The following FKBP9 variants were observed in gnomAD, a reference collection of about 807,000 sequenced individuals.
FKBP9 encodes the protein FKBP prolyl isomerase 9, also known as peptidyl-prolyl cis-trans isomerase FKBP9.
FKBP9 carries 27 observed loss-of-function variants against 55.6 expected under a neutral mutation model. The observed-to-expected ratio is 0.49, with a 90% CI of 0.36 to 0.67. FKBP9 has a LOEUF of 0.67. Among genes scored for constraint, FKBP9 ranks in the 30% least tolerant of loss-of-function variants. The pLI, the probability that FKBP9 is intolerant of heterozygous loss-of-function variation, is 0.00. For synonymous variants in FKBP9, 267 were observed against 296.5 expected, an observed-to-expected ratio of 0.90 and a Z score of 1.02; for missense variants, 539 against 742.8, an observed-to-expected ratio of 0.73 and a Z score of 3.19.
intron 6 of FKBP9, chr7:32,994,896 ATC>A (rs2127987741): frequency 5.7e-6 from 1 of 176,824 alleles, no homozygotes; most frequent in South Asian, 2.0e-4. Context: ...GAGTTTGTGT[ATC>A]TCTATCTGAA....
chr7:32,962,408 C>T (rs1218878251), intron 1 of FKBP9, among the ~76,000 whole-genome samples: 2 of 152,082 alleles, frequency 1.3e-5, no homozygotes, highest in Non-Finnish European at 2.9e-5. Context: ...AACTAACTAA[C>T]TAAATAAAAG....
chr7:32,964,670 C>G (rs1268013237), intron 1 of FKBP9, among the ~76,000 whole-genome samples: 1 of 152,232 alleles, frequency 6.6e-6, no homozygotes, highest in Non-Finnish European at 1.5e-5. Context: ...TTTGCCAGTT[C>G]ATTAACTGCT....
At chr7:32,959,826 T>G (rs1783985679) in intron 1 of FKBP9, among the ~76,000 whole-genome samples, 1 of 152,246 alleles carries the variant, frequency 6.6e-6, no homozygotes, top group South Asian at 2.1e-4. Flanking sequence ...TATTCCATTG[T>G]GTCCATTCAT....
intron 9 of FKBP9, among the ~76,000 whole-genome samples, chr7:33,004,505 A>T (rs1165117634): frequency 1.3e-5 from 2 of 152,106 alleles, no homozygotes; most frequent in Admixed American, 6.5e-5. Context: ...TCTACCCCAG[A>T]TAACTTGTTC....
chr7:32,966,993 C>A (rs573441527), intron 1 of FKBP9, among the ~76,000 whole-genome samples: 1 of 152,052 alleles, frequency 6.6e-6, no homozygotes, highest in Non-Finnish European at 1.5e-5. Flanking sequence ...ATGTTCAAAG[C>A]GAGGGAAGAG....
intron 5 of FKBP9, among the ~76,000 whole-genome samples, chr7:32,984,248 T>A (rs1292596966): frequency 6.7e-6 from 1 of 149,716 alleles, no homozygotes; most frequent in East Asian, 1.9e-4. Context: ...GTTCTTTTTT[T>A]TTTGAGACAG....
rs1168923622 is a variant in FKBP9, at chr7:32,979,934, G to C, written c.704-430G>C. ...TTTGCCTCTAAAAAATTGGCCGTTC[G>C]TTTCAAAGAACAAGTCTGTGTACAG... is the stretch of plus-strand genomic sequence containing the variant. On this transcript the variant is annotated intron_variant, in intron 4 of 9. Transcript: ENST00000242209. Among the ~76,000 whole-genome samples, 6 of 151,454 alleles carry C rather than the reference G, an allele frequency of 4.0e-5. No individual in the cohort carries two copies. The East Asian group carries it at 1.2e-3, about 29-fold the overall frequency.
rs1193066919 is a variant in FKBP9 at position 32,957,448 on chromosome 7, G to T, written c.-126G>T. 1.7e-5 allele frequency: 11 copies of T among 657,338 alleles called. No homozygotes were observed. The highest frequency in any genetic ancestry group is 2.4e-5 in the Non-Finnish European group (11 of 455,610). 40.7% of individuals were successfully genotyped at this position (657,338 alleles called of 1,614,324 possible). On this transcript the variant is annotated 5_prime_UTR_variant, in exon 1 of 10. Coordinates refer to ENST00000242209, the MANE Select transcript of FKBP9 (RefSeq NM_007270.5). ...GAGGGCGGGCGGCCGGGGAGACGGG[G>T]TGGCGGCTGCAGCCCGGGTAGGGCC...
chr7:33,000,205 C>T lies in FKBP9; in HGVS notation c.1317C>T (p.Gly439=), dbSNP rs746947172. 1.5e-5 allele frequency: 24 copies of T among 1,613,168 alleles called. No individual in the cohort carries two copies. The highest frequency in any genetic ancestry group is 2.2e-5 in the South Asian group (2 of 91,036). ...MDMGLREMCV[G]EKRTVIIPPH... ...TGGGTCTCAGAGAGATGTGCGTTGG[C>T]GAGAAACGGACAGTGATCATTCCGC... Residue 439 remains glycine (G), a synonymous_variant, in exon 8 of 10, where the codon GGC becomes GGT. Coordinates refer to ENST00000242209, the MANE Select transcript of FKBP9 (RefSeq NM_007270.5).
rs887129967 is a variant in FKBP9, at chr7:32,957,862, C to T, written c.221+68C>T. 37 of 1,217,046 alleles carry T rather than the reference C, an allele frequency of 3.0e-5. No individual in the cohort carries two copies. The Middle Eastern group carries it at 6.1e-4, about 20-fold the overall frequency. 75.4% of individuals were successfully genotyped at this position (1,217,046 alleles called of 1,614,324 possible). A position where few individuals can be genotyped will look rare whatever the true frequency, so the allele number is the denominator to read the frequency against. On this transcript the variant is annotated intron_variant, in intron 1 of 9. Transcript: ENST00000242209. The stretch of plus-strand genomic sequence containing the variant: ...GTCCCTCTCTCCGGACAGGCCTTTC[C>T]CTCCTGCCGGACCTCCCCTAGCTCC...
chr7:32,967,709 AGTT>A (rs1308526424), intron 1 of FKBP9, among the ~76,000 whole-genome samples: 2 of 151,970 alleles, frequency 1.3e-5, no homozygotes, highest in Non-Finnish European at 2.9e-5. Flanking sequence ...CAAATATCTG[AGTT>A]GTTGTTTTGT....
chr7:32,994,923 G>C (rs1784754798), intron 6 of FKBP9: 1 of 173,184 alleles, frequency 5.8e-6, no homozygotes, highest in African/African-American at 2.4e-5. Flanking sequence ...GTCATTAGCT[G>C]TGTTATTCTC....
At chr7:32,988,092 A>C (rs572311792) in intron 5 of FKBP9, among the ~76,000 whole-genome samples, 1 of 151,750 alleles carries the variant, frequency 6.6e-6, no homozygotes, top group Non-Finnish European at 1.5e-5. Context: ...AGGTGGGAGG[A>C]TTGCTTGAGC....
intron 9 of FKBP9, among the ~76,000 whole-genome samples, chr7:33,004,104 G>A (rs1369782460): frequency 2.6e-5 from 4 of 152,178 alleles, no homozygotes; most frequent in Admixed American, 6.5e-5. Context: ...CTCGTAGGCC[G>A]TAATGGTCCT....
intron 7 of FKBP9, among the ~76,000 whole-genome samples, chr7:32,999,377 G>A (rs1448184162): frequency 1.3e-5 from 2 of 151,906 alleles, no homozygotes; most frequent in Non-Finnish European, 2.9e-5. Context: ...TTTTGGCGTA[G>A]ATTTATTTTT....
At chr7:32,996,033 T>C in intron 6 of FKBP9, 130 bp from the exon 7 acceptor site, 1 of 683,650 alleles carries the variant, frequency 1.5e-6, no homozygotes, top group Non-Finnish European at 2.6e-6. Context: ...GGAGTCCTCC[T>C]AGGGTTCTGT....
chr7:32,984,650 C>T (rs987400147), intron 5 of FKBP9, among the ~76,000 whole-genome samples: 4 of 152,206 alleles, frequency 2.6e-5, no homozygotes, highest in African/African-American at 9.6e-5. Context: ...ATTCTCACTA[C>T]CATGAGATCG....
chr7:32,968,806 T>C lies in FKBP9; in HGVS notation c.222-5811T>C, dbSNP rs1179902501. Reference sequence around the variant, plus strand: ...CCGAGTAGCTGGGATTACAGGCATATGCCACCATGCCTGGCTAATTTTTGT... The same window carrying C: ...CCGAGTAGCTGGGATTACAGGCATACGCCACCATGCCTGGCTAATTTTTGT... On this transcript the variant is annotated intron_variant, in intron 1 of 9. Coordinates refer to ENST00000242209, the MANE Select transcript of FKBP9 (RefSeq NM_007270.5). Among the ~76,000 whole-genome samples the C allele has an allele frequency of 2.0e-5, 3 of 151,760 alleles. No individual in the cohort carries two copies. The East Asian group carries it at 5.8e-4, about 30-fold the overall frequency.
intron 1 of FKBP9, among the ~76,000 whole-genome samples, chr7:32,965,884 T>TATAGAGAG (rs1554284369): frequency 2.8e-4 from 31 of 110,374 alleles, no homozygotes; most frequent in African/African-American, 3.8e-4. Flanking sequence ...TATATATATA[T>TATAGAGAG]AGAGAGAGAG....
Sources: allele counts gnomAD v4.1 joint callset (sites outside exome capture counted in the v4.1 genomes callset), GRCh38; gene constraint gnomAD v4.1.1; transcripts MANE v1.5; gene names NCBI Gene and HGNC (gene_info 2026-07-23, HGNC 2026-07-21).